The following AEBP2 variants were observed in gnomAD, a reference collection of about 807,000 sequenced individuals.
The protein encoded by AEBP2 is zinc finger protein AEBP2.
In AEBP2, 10 loss-of-function variants were observed where a neutral mutation model predicts 50.8. The observed-to-expected ratio is 0.20, with a 90% CI of 0.12 to 0.33. AEBP2 has a LOEUF of 0.33. Ranked by LOEUF, AEBP2 falls within the 10% of genes least tolerant of loss-of-function variation. The probability of loss-of-function intolerance (pLI) is 1.00; values close to 1 mark genes in which losing one functional copy is unlikely to be tolerated. For missense variants in AEBP2, 570 were observed against 688.0 expected (o/e 0.83, Z 1.92); for synonymous variants, 296 against 261.3 (o/e 1.13, Z -1.28).
Position 19,518,393 on chromosome 12 carries a change from T to G in AEBP2, c.*276T>G. On this transcript the variant is annotated 3_prime_UTR_variant, in exon 8 of 8. Transcript: ENST00000266508. ...AGCAAACACTCTTTTGGCAACTTAG[T>G]AGAACAGCTTCTTAAAGGCTTTGCA... 14 of 1,230,840 alleles carry G rather than the reference T, an allele frequency of 1.1e-5. No individual in the cohort carries two copies. The highest frequency in any genetic ancestry group is 1.4e-5 in the Non-Finnish European group (14 of 985,424). The allele number at this position is 1,230,840 out of a possible 1,614,324, so 76.2% of individuals were successfully genotyped here.
chr12:19,479,724 T>C (rs1785479319), intron 3 of AEBP2, among the ~76,000 whole-genome samples: 12 of 84,346 alleles, frequency 1.4e-4, no homozygotes, highest in African/African-American at 5.3e-4. Context: ...TGGGTTTTTT[T>C]TTTTTTTTTT....
intron 1 of AEBP2, among the ~76,000 whole-genome samples, chr12:19,420,426 C>T (rs963112082): frequency 1.3e-5 from 2 of 150,658 alleles, no homozygotes; most frequent in Non-Finnish European, 3.0e-5. Flanking sequence ...CTCTACCTCC[C>T]GGGTTCAAGA....
chr12:19,477,765 G>C (rs1317489813), intron 3 of AEBP2, among the ~76,000 whole-genome samples: 2 of 152,180 alleles, frequency 1.3e-5, no homozygotes, highest in East Asian at 3.9e-4. Flanking sequence ...GTCCTTTCCT[G>C]ATTTTGGTAT....
chr12:19,457,271 C>T, intron 1 of AEBP2: 1 of 1,585,652 alleles, frequency 6.3e-7, no homozygotes, highest in Non-Finnish European at 8.6e-7. Flanking sequence ...GCTTCAAATT[C>T]ACCAACACTG....
At chr12:19,513,943 TTC>T (rs1469662809) in intron 6 of AEBP2, among the ~76,000 whole-genome samples, 4 of 150,772 alleles carry the variant, frequency 2.7e-5, no homozygotes, top group Non-Finnish European at 5.9e-5. Context: ...TTTTATTTAT[TTC>T]TTTTTTTTTT....
chr12:19,436,791 A>C (rs958106212), upstream of AEBP2, among the ~76,000 whole-genome samples: 73 of 151,940 alleles, frequency 4.8e-4, no homozygotes, highest in African/African-American at 1.6e-3. Context: ...GTAGCGATGG[A>C]GTTTCATCCC....
intron 3 of AEBP2, among the ~76,000 whole-genome samples, chr12:19,477,941 CCT>C (rs1156725779): frequency 6.6e-6 from 1 of 152,140 alleles, no homozygotes; most frequent in Non-Finnish European, 1.5e-5. Flanking sequence ...CAGAGTTTAT[CCT>C]CTCCTCTACA....
intron 2 of AEBP2, among the ~76,000 whole-genome samples, chr12:19,470,376 C>T (rs1383658419): frequency 6.6e-6 from 1 of 152,028 alleles, no homozygotes; most frequent in Non-Finnish European, 1.5e-5. Context: ...AGGCTGGTCT[C>T]GAACTCCTGG....
intron 5 of AEBP2, among the ~76,000 whole-genome samples, chr12:19,505,299 G>A (rs1949140257): frequency 6.6e-6 from 1 of 152,180 alleles, no homozygotes; most frequent in Admixed American, 6.5e-5. Flanking sequence ...TGGCATCAGA[G>A]CTAGTTTGTT....
chr12:19,470,797 AATCTT>A (rs749994787), intron 2 of AEBP2, among the ~76,000 whole-genome samples: 10 of 152,202 alleles, frequency 6.6e-5, no homozygotes, highest in African/African-American at 9.7e-5. Context: ...GAAGGAACTA[AATCTT>A]ATCTTTAAGA....
At chr12:19,417,169 G>A (rs1256512156) in intron 1 of AEBP2, among the ~76,000 whole-genome samples, 1 of 151,926 alleles carries the variant, frequency 6.6e-6, no homozygotes, top group Non-Finnish European at 1.5e-5. Flanking sequence ...ACTGCGCCCG[G>A]CCCCTATCCT....
At chr12:19,499,041 A>G (rs77508600) in intron 4 of AEBP2, among the ~76,000 whole-genome samples, 5,205 of 152,258 alleles carry the variant, frequency 0.034, 125 homozygotes, top group Non-Finnish European at 0.054. Flanking sequence ...AAAACCAGTT[A>G]TATAAGCTGA....
chr12:19,496,660 T>A (rs1313164602), intron 4 of AEBP2, among the ~76,000 whole-genome samples: 1 of 151,382 alleles, frequency 6.6e-6, no homozygotes, highest in African/African-American at 2.4e-5. Flanking sequence ...GTTTTTTTTT[T>A]AACCTTTTTT....
At chr12:19,457,380 A>T in intron 1 of AEBP2, 3 of 1,440,164 alleles carry the variant, frequency 2.1e-6, no homozygotes, top group Non-Finnish European at 2.9e-6. Context: ...TAGGGCATCA[A>T]TGATAGTCAC....
At chr12:19,498,872 A>G (rs1014048139) in intron 4 of AEBP2, among the ~76,000 whole-genome samples, 5 of 152,098 alleles carry the variant, frequency 3.3e-5, no homozygotes, top group Non-Finnish European at 7.4e-5. Flanking sequence ...AAAAAATTCC[A>G]TGGTGGAACA....
chr12:19,500,875 A>G (rs1471967484), intron 5 of AEBP2, among the ~76,000 whole-genome samples: 3 of 152,196 alleles, frequency 2.0e-5, no homozygotes, highest in African/African-American at 4.8e-5. Flanking sequence ...GTTAATTAGG[A>G]GTTGTAATAG....
chr12:19,473,296 A>C lies in AEBP2; in HGVS notation c.928A>C (p.Thr310Pro). ...KGCKVYNTPSTSQSWLQRHML... is the reference protein window; with the variant it reads ...KGCKVYNTPSPSQSWLQRHML... ...TTGTAAAGTATATAACACTCCATCT[A>C]CCAGTCAAAGTTGGTTACAAAGGCA... Residue 310 changes from threonine to proline, a missense_variant, in exon 3 of 8, where the codon ACC becomes CCC. Coordinates refer to ENST00000266508, the MANE Select transcript of AEBP2 (RefSeq NM_153207.5). 1 of 1,553,730 alleles carries C rather than the reference A, an allele frequency of 6.4e-7. No individual in the cohort carries two copies. The highest frequency in any genetic ancestry group is 2.5e-5 in the East Asian group (1 of 40,316).
intron 1 of AEBP2, among the ~76,000 whole-genome samples, chr12:19,420,611 C>T (rs999253852): frequency 3.9e-5 from 6 of 152,138 alleles, no homozygotes; most frequent in Non-Finnish European, 7.3e-5. Context: ...CAGGCTTGAG[C>T]CACTGCGCCC....
At chr12:19,456,370 C>G in intron 1 of AEBP2, 2 of 1,379,010 alleles carry the variant, frequency 1.5e-6, no homozygotes, top group Non-Finnish European at 2.0e-6. Flanking sequence ...GCAGCGCGAC[C>G]CAGAGGTGGG....
Sources: allele counts gnomAD v4.1 joint callset (sites outside exome capture counted in the v4.1 genomes callset), GRCh38; gene constraint gnomAD v4.1.1; transcripts MANE v1.5; gene names NCBI Gene and HGNC (gene_info 2026-07-23, HGNC 2026-07-21).